Variants in FGF12 observed in about 807,000 individuals in gnomAD.
FGF12 encodes fibroblast growth factor 12B.
FGF12 carries 14 observed loss-of-function variants against 23.6 expected under a neutral mutation model. The ratio of observed to expected loss-of-function variants is 0.59; its 90% confidence interval spans 0.39 to 0.93. The LOEUF (loss-of-function observed/expected upper bound fraction) is 0.93. Among genes scored for constraint, FGF12 ranks in the 40% least tolerant of loss-of-function variants. The pLI is 0.00. For missense variants in FGF12, 175 were observed against 217.8 expected (o/e 0.80, Z 1.24); for synonymous variants, 62 against 77.3 (o/e 0.80, Z 1.04).
chr3:192,579,015 A>G (rs1713024800), intron 2 of FGF12, among the ~76,000 whole-genome samples: 1 of 152,194 alleles, frequency 6.6e-6, no homozygotes, highest in South Asian at 2.1e-4. Flanking sequence ...TCTTCATTCC[A>G]ACACTCCTTT....
intron 2 of FGF12, among the ~76,000 whole-genome samples, chr3:192,443,334 G>A (rs945930636): frequency 2.6e-5 from 4 of 152,274 alleles, no homozygotes; most frequent in East Asian, 3.9e-4. Context: ...CCACAACTGA[G>A]TTGTGATAGA....
At chr3:192,371,716 T>C (rs1169406163) in intron 2 of FGF12, among the ~76,000 whole-genome samples, 2 of 146,580 alleles carry the variant, frequency 1.4e-5, no homozygotes, top group Non-Finnish European at 3.0e-5. Context: ...ACTGAAATAA[T>C]TTAAGGCAGG....
At chr3:192,551,465 T>G (rs536417362) in intron 2 of FGF12, among the ~76,000 whole-genome samples, 1 of 152,366 alleles carries the variant, frequency 6.6e-6, no homozygotes, top group East Asian at 1.9e-4. Context: ...AGAACAACTA[T>G]AGCAGTGACA....
chr3:192,320,884 G>A (rs952318579), intron 4 of FGF12, among the ~76,000 whole-genome samples: 29 of 151,768 alleles, frequency 1.9e-4, no homozygotes, highest in Admixed American at 1.1e-3. Context: ...TAAACCTAAC[G>A]ATGCATTGTA....
chr3:192,450,503 A>C (rs771522080), intron 2 of FGF12, among the ~76,000 whole-genome samples: 3 of 152,248 alleles, frequency 2.0e-5, no homozygotes, highest in Non-Finnish European at 4.4e-5. Flanking sequence ...TGAGTAGATT[A>C]ACATCCTAAC....
At chr3:192,591,492 G>A (rs942936383) in intron 2 of FGF12, among the ~76,000 whole-genome samples, 1 of 151,828 alleles carries the variant, frequency 6.6e-6, no homozygotes, top group Non-Finnish European at 1.5e-5. Flanking sequence ...AGGAAAAAGA[G>A]ACAGGAAATA....
At chr3:192,641,566 A>C (rs961068464) in intron 2 of FGF12, among the ~76,000 whole-genome samples, 1 of 151,180 alleles carries the variant, frequency 6.6e-6, no homozygotes, top group African/African-American at 2.4e-5. Flanking sequence ...CACCATGCCC[A>C]ACTAATTTTT....
intron 2 of FGF12, among the ~76,000 whole-genome samples, chr3:192,575,767 T>C (rs1375189272): frequency 2.6e-5 from 4 of 151,382 alleles, no homozygotes; most frequent in Admixed American, 2.6e-4. Flanking sequence ...CTCTGGCCTA[T>C]TGATAAACTT....
intron 2 of FGF12, among the ~76,000 whole-genome samples, chr3:192,448,880 T>A (rs1367969018): frequency 6.6e-6 from 1 of 152,186 alleles, no homozygotes; most frequent in African/African-American, 2.4e-5. Context: ...CCAAATATAA[T>A]CTTAAAATAA....
At chr3:192,584,618 T>A (rs1577066089) in intron 2 of FGF12, among the ~76,000 whole-genome samples, 1 of 152,158 alleles carries the variant, frequency 6.6e-6, no homozygotes, top group East Asian at 1.9e-4. Context: ...TATTTATTTA[T>A]CCTTCATCCC....
chr3:192,375,026 G>A (rs1475530575), intron 2 of FGF12, among the ~76,000 whole-genome samples: 5 of 152,022 alleles, frequency 3.3e-5, no homozygotes, highest in African/African-American at 1.2e-4. Flanking sequence ...TTTTGTGCCT[G>A]TACTCCCTCT....
chr3:192,582,901 C>A (rs1713216111), intron 2 of FGF12, among the ~76,000 whole-genome samples: 1 of 152,116 alleles, frequency 6.6e-6, no homozygotes, highest in African/African-American at 2.4e-5. Context: ...AGCCTCAACA[C>A]AAACATGCAC....
At chr3:192,592,817 C>T (rs895019226) in intron 2 of FGF12, among the ~76,000 whole-genome samples, 4 of 151,892 alleles carry the variant, frequency 2.6e-5, no homozygotes, top group African/African-American at 9.7e-5. Context: ...CTCAGCTCGA[C>T]TCATAGCTCC....
intron 3 of FGF12, among the ~76,000 whole-genome samples, chr3:192,356,690 G>A (rs1015050921): frequency 1.3e-5 from 2 of 152,134 alleles, no homozygotes; most frequent in Non-Finnish European, 2.9e-5. Flanking sequence ...TGGTAAGGTT[G>A]GTTAGACCTA....
chr3:192,199,128 T>C (rs1177791722), intron 4 of FGF12, among the ~76,000 whole-genome samples: 3 of 152,182 alleles, frequency 2.0e-5, no homozygotes, highest in East Asian at 1.9e-4. Flanking sequence ...CTAACTAAAG[T>C]TGCAAATGCT....
chr3:192,254,569 A>T (rs946553646), intron 4 of FGF12, among the ~76,000 whole-genome samples: 2 of 152,058 alleles, frequency 1.3e-5, no homozygotes, highest in African/African-American at 4.8e-5. Flanking sequence ...TATGTAGGAA[A>T]ATGTACAAAG....
At chr3:192,319,453 C>T (rs376996649) in intron 4 of FGF12, among the ~76,000 whole-genome samples, 4 of 151,756 alleles carry the variant, frequency 2.6e-5, no homozygotes, top group Non-Finnish European at 5.9e-5. Flanking sequence ...AAAAATTAGG[C>T]GGGTGTGGTG....
At chr3:192,647,523 T>C (rs1716048004) in intron 2 of FGF12, among the ~76,000 whole-genome samples, 1 of 151,902 alleles carries the variant, frequency 6.6e-6, no homozygotes. Context: ...TAATGGCAAG[T>C]ATTCAGGAAG....
chr3:192,352,150 T>A (rs1342004419), intron 3 of FGF12, among the ~76,000 whole-genome samples: 1 of 152,172 alleles, frequency 6.6e-6, no homozygotes, highest in Non-Finnish European at 1.5e-5. Flanking sequence ...ATTTCACACA[T>A]TGTTTAAGAT....
Sources: allele counts gnomAD v4.1 joint callset (sites outside exome capture counted in the v4.1 genomes callset), GRCh38; gene constraint gnomAD v4.1.1; transcripts MANE v1.5; gene names NCBI Gene and HGNC (gene_info 2026-07-23, HGNC 2026-07-21).